The following NUDT13 variants were observed in gnomAD, a reference collection of about 807,000 sequenced individuals.
The protein encoded by NUDT13 is nudix hydrolase 13.
Under a neutral mutation model 41.7 loss-of-function variants are expected in NUDT13, and 40 were observed. The observed-to-expected ratio is 0.96, with a 90% confidence interval of 0.75 to 1.25. NUDT13 has a LOEUF of 1.25. Among genes scored for constraint, NUDT13 ranks in the 50% most tolerant of loss-of-function variants. NUDT13 has a pLI of 0.00. For missense variants in NUDT13, 390 were observed against 416.1 expected, an observed-to-expected ratio of 0.94 and a Z score of 0.55; for synonymous variants, 145 against 155.5, an observed-to-expected ratio of 0.93 and a Z score of 0.50.
chr10:73,126,760 A>G lies in NUDT13; in HGVS notation c.791A>G (p.His264Arg). 1 of 1,614,194 alleles carries G rather than the reference A, an allele frequency of 6.2e-7. No individual in the cohort carries two copies. The highest frequency in any genetic ancestry group is 8.5e-7 in the Non-Finnish European group (1 of 1,180,030). The change falls in exon 8 of 9, where the codon CAT becomes CGT. Residue 264 changes from histidine to arginine, a missense_variant. By Grantham distance (29) the His-to-Arg change is conservative. Transcript: ENST00000357321. ...AGCCTGCAGTACTATGCATCCCAGC[A>G]TTGGCCCTTCCCTAGTGGCTCACTC... The part of the protein sequence containing the change: ...VESLQYYASQ[H>R]WPFPSGSLMI...
At chr10:73,122,409 G>T in intron 4 of NUDT13, 100 bp downstream of exon 4, 3 of 1,129,688 alleles carry the variant, frequency 2.7e-6, no homozygotes, top group South Asian at 3.2e-5. Context: ...GAATACAAAA[G>T]GTTATCAACT....
intron 2 of NUDT13, among the ~76,000 whole-genome samples, chr10:73,115,454 G>GC (rs113797281): frequency 0.16 from 23,812 of 151,936 alleles, 3,066 homozygotes; most frequent in African/African-American, 0.33. Flanking sequence ...GATTACAGGC[G>GC]TAAGTCACCA....
rs745465640 is a variant in NUDT13 at position 73,124,205 on chromosome 10, A to G, written c.359-9A>G. 2.5e-6 allele frequency: 4 copies of G among 1,586,502 alleles called. No individual in the cohort carries two copies. In the East Asian group the frequency reaches 6.7e-5, roughly 27 times the overall value. On this transcript the variant is annotated splice_polypyrimidine_tract_variant and intron_variant, in intron 4 of 8. Coordinates refer to ENST00000357321, the MANE Select transcript of NUDT13 (RefSeq NM_015901.6). ...TTGTTTAATTTCATTATCTTTTCTA[A>G]TTTTCTAGCCTCCTTACACAAACCT... is the stretch of plus-strand genomic sequence containing the variant.
intron 8 of NUDT13, chr10:73,130,435 C>G (rs1842889730): frequency 6.4e-6 from 1 of 156,674 alleles, no homozygotes; most frequent in Non-Finnish European, 1.4e-5. Context: ...TGCACTCCAG[C>G]CTGGGCAACA....
chr10:73,120,878 C>A (rs1842630505), intron 3 of NUDT13, among the ~76,000 whole-genome samples: 1 of 149,744 alleles, frequency 6.7e-6, no homozygotes, highest in Non-Finnish European at 1.5e-5. Context: ...GCGGAGCTTG[C>A]AGTGAGCCGA....
rs180862219 is a variant in NUDT13 at position 73,113,858 on chromosome 10, C to A, written c.-9-499C>A. On this transcript the variant is annotated intron_variant, in intron 1 of 8. Coordinates refer to ENST00000357321, the MANE Select transcript of NUDT13 (RefSeq NM_015901.6). Reference sequence around the variant, plus strand: ...GTTGGTTATTTAACTGTAATGAATTCTTGACTTTTTTTACTGCCAATGTGA... The same window carrying A: ...GTTGGTTATTTAACTGTAATGAATTATTGACTTTTTTTACTGCCAATGTGA... Among the ~76,000 whole-genome samples the A allele has an allele frequency of 5.3e-5, 8 of 152,268 alleles. No homozygotes were observed. In the East Asian group the frequency reaches 1.5e-3, roughly 29 times the overall value.
rs934314941 is a variant in NUDT13 at position 73,128,841 on chromosome 10, T to C, written c.859-1862T>C. ...TAATGTCTAGAAATTTATTCCTTTA[T>C]GTTTTCTCCTAAGAATTTTATTGTT... On this transcript the variant is annotated intron_variant, in intron 8 of 8. Coordinates refer to ENST00000357321, the MANE Select transcript of NUDT13 (RefSeq NM_015901.6). 3.9e-5 allele frequency among the ~76,000 whole-genome samples: 6 copies of C among 152,358 alleles called. No homozygotes were observed. In the East Asian group the frequency reaches 9.6e-4, roughly 24 times the overall value.
intron 2 of NUDT13, among the ~76,000 whole-genome samples, chr10:73,115,849 AG>A (rs1177978176): frequency 3.0e-4 from 46 of 152,216 alleles, no homozygotes; most frequent in Non-Finnish European, 5.9e-5. Context: ...AATCTACAAT[AG>A]CACATGAAGA....
chr10:73,117,332 G>A (rs1173315650), intron 2 of NUDT13, among the ~76,000 whole-genome samples: 1 of 151,712 alleles, frequency 6.6e-6, no homozygotes, highest in Non-Finnish European at 1.5e-5. Context: ...TGAGACGGGT[G>A]GATCACCTGA....
Position 73,125,151 on chromosome 10 carries a change from C to G in NUDT13, c.499C>G (p.Gln167Glu), listed in dbSNP as rs746588741. ...QALLRWHDAHQFCSRSGQPTK... is the reference protein window; with the variant it reads ...QALLRWHDAHEFCSRSGQPTK... ...TCTTCTCCGCTGGCATGATGCTCAT[C>G]AGTTCTGCAGCAGAAGTGGGCAGCC... The change falls in exon 6 of 9, where the codon CAG becomes GAG. Residue 167 changes from glutamine to glutamate, a missense_variant. Coordinates refer to ENST00000357321, the MANE Select transcript of NUDT13 (RefSeq NM_015901.6). The G allele has an allele frequency of 1.2e-6, 2 of 1,613,158 alleles. No homozygotes were observed. The highest frequency in any genetic ancestry group is 1.7e-6 in the Non-Finnish European group (2 of 1,179,784).
At chr10:73,119,910 G>A in intron 2 of NUDT13, 108 bp from the exon 3 acceptor site, 2 of 1,176,370 alleles carry the variant, frequency 1.7e-6, no homozygotes, top group East Asian at 2.4e-5. Flanking sequence ...TAAATAAAGG[G>A]AAATAACCAT....
At chr10:73,115,578 C>G (rs1842487958) in intron 2 of NUDT13, among the ~76,000 whole-genome samples, 1 of 152,218 alleles carries the variant, frequency 6.6e-6, no homozygotes, top group East Asian at 1.9e-4. Context: ...TGTGGTACCC[C>G]TACTTCATAA....
chr10:73,110,838 T>G (rs1310987064), intron 1 of NUDT13, among the ~76,000 whole-genome samples: 2 of 152,088 alleles, frequency 1.3e-5, no homozygotes, highest in South Asian at 4.1e-4. Context: ...GTGCCTTAAT[T>G]TTTATTTTTT....
At chr10:73,126,527 T>G (rs1023536960) in intron 7 of NUDT13, 146 bp from the exon 8 acceptor site, 3 of 810,840 alleles carry the variant, frequency 3.7e-6, no homozygotes, top group African/African-American at 1.7e-5. Context: ...TGATTCTTAT[T>G]GTTGGAATGA....
At chr10:73,122,821 A>G (rs1387323846) in intron 4 of NUDT13, among the ~76,000 whole-genome samples, 2 of 149,822 alleles carry the variant, frequency 1.3e-5, no homozygotes, top group East Asian at 3.9e-4. Context: ...GGCACAAGCA[A>G]TCCTCCCTCC....
chr10:73,128,686 GT>G (rs1334191670), intron 8 of NUDT13, among the ~76,000 whole-genome samples: 1 of 152,076 alleles, frequency 6.6e-6, no homozygotes, highest in Non-Finnish European at 1.5e-5. Flanking sequence ...CATTCTGCAG[GT>G]TGTCTCTTCA....
chr10:73,122,405 A>G, intron 4 of NUDT13, 96 bp downstream of exon 4: 3 of 1,198,968 alleles, frequency 2.5e-6, no homozygotes, highest in Non-Finnish European at 3.5e-6. Flanking sequence ...TGGGGAATAC[A>G]AAAGGTTATC....
Position 73,122,302 on chromosome 10 carries a change from C to T in NUDT13, c.351C>T (p.Ser117=). The T allele has an allele frequency of 1.2e-6, 2 of 1,613,106 alleles. No homozygotes were observed. The highest frequency in any genetic ancestry group is 1.7e-6 in the Non-Finnish European group (2 of 1,179,662). ...ATCTAGGTCTGGATAGCTCCTTTTCCATAAGTGGTACATGACATTATTCCT... is the reference window on the plus strand; with the variant it reads ...ATCTAGGTCTGGATAGCTCCTTTTCTATAAGTGGTACATGACATTATTCCT... ...ALDLGLDSSF[S]ISASLHKPEM... The change falls in exon 4 of 9, where the codon TCC becomes TCT. Residue 117 remains serine, a synonymous_variant. Transcript: ENST00000357321.
At chr10:73,117,172 C>G (rs976057602) in intron 2 of NUDT13, among the ~76,000 whole-genome samples, 2 of 151,434 alleles carry the variant, frequency 1.3e-5, no homozygotes, top group Non-Finnish European at 2.9e-5. Context: ...AGTACGCCAC[C>G]ACGCCTGGCC....
Sources: gnomAD v4.1 joint callset for allele counts (sites outside exome capture counted in the v4.1 genomes callset) on GRCh38, gnomAD v4.1.1 for gene constraint, MANE v1.5 for transcripts, NCBI Gene and HGNC (gene_info 2026-07-23, HGNC 2026-07-21) for gene names.